The following ENTREP2 variants were observed in gnomAD, a reference collection of about 807,000 sequenced individuals.
ENTREP2 encodes the protein endosomal transmembrane epsin interactor 2, also known as protein ENTREP2.
At chr15:29,256,597 T>A in the ENTREP2 span, among the ~76,000 whole-genome samples, 2 of 152,222 alleles carry the variant, frequency 1.3e-5, no homozygotes, top group African/African-American at 2.4e-5. Context: ...CCAGAAATAG[T>A]CAAATTATGG....
At chr15:29,447,718 G>C in the ENTREP2 span, among the ~76,000 whole-genome samples, 1 of 150,180 alleles carries the variant, frequency 6.7e-6, no homozygotes, top group African/African-American at 2.4e-5. Flanking sequence ...TCGAACTCCT[G>C]GGCACAAGTG....
At chr15:29,510,723 C>T in the ENTREP2 span, among the ~76,000 whole-genome samples, 3 of 150,750 alleles carry the variant, frequency 2.0e-5, no homozygotes, top group Non-Finnish European at 4.4e-5. Flanking sequence ...AGGAGAATGG[C>T]GTGAACCCGG....
the ENTREP2 span, among the ~76,000 whole-genome samples, chr15:29,336,897 C>T: frequency 4.5e-4 from 69 of 152,216 alleles, no homozygotes; most frequent in South Asian, 8.5e-3. Flanking sequence ...CCACCAGCAG[C>T]GCCGAGGTCC....
chr15:29,280,486 AAGGAAG>A, the ENTREP2 span, among the ~76,000 whole-genome samples: 4 of 152,322 alleles, frequency 2.6e-5, no homozygotes, highest in East Asian at 1.9e-4. Context: ...AGGCCTGGGG[AAGGAAG>A]AGGAAGAGGC....
At chr15:29,269,593 A>T in the ENTREP2 span, 6 of 1,551,006 alleles carry the variant, frequency 3.9e-6, no homozygotes, top group Non-Finnish European at 5.2e-6. Flanking sequence ...GTCTCTGAGA[A>T]CCCGGGCGTC....
At chr15:29,262,568 G>C in the ENTREP2 span, among the ~76,000 whole-genome samples, 1 of 152,232 alleles carries the variant, frequency 6.6e-6, no homozygotes, top group Admixed American at 6.5e-5. Context: ...GGTTCCGGTA[G>C]GGTGGCGTGC....
At chr15:29,196,005 T>C in the ENTREP2 span, among the ~76,000 whole-genome samples, 1 of 152,178 alleles carries the variant, frequency 6.6e-6, no homozygotes, top group African/African-American at 2.4e-5. Flanking sequence ...AAACATCAAA[T>C]GCTACACATA....
At chr15:29,284,777 C>T in the ENTREP2 span, among the ~76,000 whole-genome samples, 1 of 152,084 alleles carries the variant, frequency 6.6e-6, no homozygotes, top group Admixed American at 6.5e-5. Context: ...CTCCAGGATA[C>T]GCTACCAAAG....
At chr15:29,478,008 TATATATATATA>T in the ENTREP2 span, among the ~76,000 whole-genome samples, 17 of 77,728 alleles carry the variant, frequency 2.2e-4, no homozygotes, top group African/African-American at 7.3e-4. Flanking sequence ...TATATATATA[TATATATATATA>T]TTTTTTTTTT....
At chr15:29,306,294 G>A in the ENTREP2 span, among the ~76,000 whole-genome samples, 1 of 152,168 alleles carries the variant, frequency 6.6e-6, no homozygotes, top group Non-Finnish European at 1.5e-5. Flanking sequence ...AGGATCCTTG[G>A]GGGGGATGAG....
the ENTREP2 span, chr15:29,233,572 G>T: frequency 3.3e-6 from 2 of 605,400 alleles, no homozygotes; most frequent in East Asian, 5.5e-5. Context: ...CTGTAATTTA[G>T]TCCACAAAAT....
At chr15:29,327,418 C>T in the ENTREP2 span, among the ~76,000 whole-genome samples, 2 of 151,892 alleles carry the variant, frequency 1.3e-5, no homozygotes, top group African/African-American at 4.8e-5. Flanking sequence ...CACAGTGAAA[C>T]CCCGTCTCTA....
the ENTREP2 span, among the ~76,000 whole-genome samples, chr15:29,640,155 A>G: frequency 4.6e-5 from 7 of 152,212 alleles, no homozygotes; most frequent in Non-Finnish European, 5.9e-5. Context: ...TCAAATTACT[A>G]AAATCAGAAA....
At chr15:29,400,544 G>A in the ENTREP2 span, among the ~76,000 whole-genome samples, 1 of 152,204 alleles carries the variant, frequency 6.6e-6, no homozygotes, top group Non-Finnish European at 1.5e-5. Context: ...CAACTGGCTA[G>A]CCACTTGGAA....
At chr15:29,633,458 T>TG in the ENTREP2 span, among the ~76,000 whole-genome samples, 3,032 of 150,080 alleles carry the variant, frequency 0.02, 104 homozygotes, top group African/African-American at 0.07. Context: ...CATTTGATGT[T>TG]GGGGGGGGCG....
the ENTREP2 span, among the ~76,000 whole-genome samples, chr15:29,159,070 G>A: frequency 6.6e-6 from 1 of 152,172 alleles, no homozygotes; most frequent in Non-Finnish European, 1.5e-5. Flanking sequence ...GGAATTGGTG[G>A]GTTATTGGTC....
At chr15:29,538,240 G>A in the ENTREP2 span, among the ~76,000 whole-genome samples, 14 of 152,038 alleles carry the variant, frequency 9.2e-5, no homozygotes, top group South Asian at 6.2e-4. Context: ...CACTTAGCAC[G>A]GCCTTGTGTT....
the ENTREP2 span, among the ~76,000 whole-genome samples, chr15:29,344,854 C>T: frequency 5.3e-5 from 8 of 151,712 alleles, no homozygotes; most frequent in African/African-American, 9.7e-5. Flanking sequence ...CTAAAAGAAA[C>T]TGCATGCATA....
chr15:29,221,774 A>G, the ENTREP2 span, among the ~76,000 whole-genome samples: 1 of 152,182 alleles, frequency 6.6e-6, no homozygotes, highest in Non-Finnish European at 1.5e-5. Flanking sequence ...AGAAAGGGCT[A>G]AAGAGAATCG....
Sources: allele counts gnomAD v4.1 joint callset (sites outside exome capture counted in the v4.1 genomes callset), GRCh38; gene constraint gnomAD v4.1.1; transcripts MANE v1.5; gene names NCBI Gene and HGNC (gene_info 2026-07-23, HGNC 2026-07-21).